Variants in PDGFA observed in about 807,000 individuals in gnomAD.
PDGFA encodes the protein platelet-derived growth factor subunit A.
In PDGFA, 9 loss-of-function variants were observed where a neutral mutation model predicts 25.6. That is an observed-to-expected ratio of 0.35 (90% CI 0.21 to 0.61). PDGFA has a LOEUF of 0.61. Among genes scored for constraint, PDGFA ranks in the 20% least tolerant of loss-of-function variants. The pLI is 0.75. For missense variants in PDGFA, 242 were observed against 272.8 expected (o/e 0.89, Z 0.79); for synonymous variants, 133 against 111.8 (o/e 1.19, Z -1.20).
intron 1 of PDGFA, among the ~76,000 whole-genome samples, chr7:518,188 G>C (rs2128408271): frequency 6.6e-6 from 1 of 152,290 alleles, no homozygotes; most frequent in Middle Eastern, 3.4e-3. Context: ...CGTGCCCTGC[G>C]GAGACCACCC....
At chr7:501,264 G>C in intron 4 of PDGFA, 22 bp from the exon 5 acceptor site, 1 of 1,613,458 alleles carries the variant, frequency 6.2e-7, no homozygotes, top group Non-Finnish European at 8.5e-7. Flanking sequence ...AACAGAGCCC[G>C]GCCATGAATG....
chr7:510,850 C>T (rs750296780), exon 4 of PDGFA: 1 of 1,609,536 alleles, frequency 6.2e-7, no homozygotes, highest in South Asian at 1.1e-5. Flanking sequence ...TGGCACTTGA[C>T]ACTGCTCGTG....
intron 4 of PDGFA, 148 bp from the exon 5 acceptor site, chr7:501,390 T>C: frequency 1.0e-6 from 1 of 981,028 alleles, no homozygotes. Flanking sequence ...TGGTGGGGAG[T>C]GTAGCAGTAC....
intron 4 of PDGFA, among the ~76,000 whole-genome samples, chr7:510,490 T>G (rs970013051): frequency 1.8e-3 from 91 of 50,464 alleles, no homozygotes; most frequent in African/African-American, 2.0e-3. Flanking sequence ...CGGGCTCGGG[T>G]GGGGAGGGGA....
At chr7:518,030 C>G (rs1269485008) in intron 1 of PDGFA, among the ~76,000 whole-genome samples, 1 of 152,098 alleles carries the variant, frequency 6.6e-6, no homozygotes, top group Non-Finnish European at 1.5e-5. Context: ...CACACGCGCA[C>G]ACACATCTCA....
intron 2 of PDGFA, among the ~76,000 whole-genome samples, chr7:513,796 A>G (rs562798626): frequency 6.6e-6 from 1 of 152,348 alleles, no homozygotes; most frequent in Admixed American, 6.5e-5. Context: ...CGGATTTAAA[A>G]TGAAGCCCGC....
intron 4 of PDGFA, among the ~76,000 whole-genome samples, chr7:509,742 A>G (rs1397304191): frequency 1.3e-5 from 2 of 152,190 alleles, no homozygotes; most frequent in Non-Finnish European, 2.9e-5. Context: ...GCGGAGACAC[A>G]GTCTGCCGGC....
rs1782899168 is a variant in PDGFA at position 512,434 on chromosome 7, G to A, written c.182C>T (p.Thr61Ile). The A allele has an allele frequency of 6.2e-7, 1 of 1,613,628 alleles. No homozygotes were observed. Among genetic ancestry groups the A allele is most frequent in the Admixed American group, 1.7e-5 (1 of 60,004 alleles). ...ATGGACCCCGTGAGCTCTCAGGCTG[G>A]TGTCCAAAGAATCCTCACTCCCTGC... The change falls in exon 3 of 6, where the codon ACC becomes ATC. Residue 61 changes from threonine (T) to isoleucine (I), a missense_variant. Thr to Ile is a moderately conservative substitution (Grantham distance 89). Transcript: ENST00000402802.
At chr7:503,480 G>A (rs1782439447) in intron 4 of PDGFA, among the ~76,000 whole-genome samples, 1 of 152,182 alleles carries the variant, frequency 6.6e-6, no homozygotes, top group Non-Finnish European at 1.5e-5. Flanking sequence ...AAGGCCAGAT[G>A]CCCCCAGCCC....
intron 1 of PDGFA, 132 bp downstream of exon 1, chr7:518,807 T>G: frequency 1.8e-6 from 1 of 543,360 alleles, no homozygotes; most frequent in Non-Finnish European, 3.2e-6. Flanking sequence ...TAGAACCCAG[T>G]TGGGAAAATC....
chr7:510,462 G>T (rs1267915877), intron 4 of PDGFA, among the ~76,000 whole-genome samples: 1 of 150,406 alleles, frequency 6.6e-6, no homozygotes, highest in Non-Finnish European at 1.5e-5. Context: ...GACCCTGGCT[G>T]CTTGGTAGGG....
Position 517,458 on chromosome 7 carries a change from C to T in PDGFA, c.96G>A (p.Arg32=), listed in dbSNP as rs1783162368. Residue 32 remains arginine, a synonymous_variant, in exon 2 of 6, where the codon AGG becomes AGA. Transcript: ENST00000402802. This position sits in a 1 kb window ranked among gnomAD's most constrained non-coding sequence, Gnocchi z 7.4. ...TGCTGTGGATCTGACTGCGGGCCAG[C>T]CTCTCGATCACCTCGCGGGGGATCT... 1.5e-6 allele frequency: 2 copies of T among 1,379,246 alleles called. No homozygotes were observed. The highest frequency in any genetic ancestry group is 2.7e-5 in the Admixed American group (1 of 37,598). 85.4% of individuals were successfully genotyped at this position (1,379,246 alleles called of 1,614,324 possible). A position where few individuals can be genotyped will look rare whatever the true frequency, so the allele number is the denominator to read the frequency against.
At chr7:510,866 G>A in exon 4 of PDGFA, 1 of 1,611,154 alleles carries the variant, frequency 6.2e-7, no homozygotes, top group Non-Finnish European at 8.5e-7. Flanking sequence ...TCGTGTTGCA[G>A]CAGCCGGTGC....
chr7:512,894 G>T, intron 2 of PDGFA: 1 of 268,124 alleles, frequency 3.7e-6, no homozygotes, highest in East Asian at 8.5e-5. Context: ...CTGTCTGGGG[G>T]CTGGAGCGAG....
At position 519,194 on chromosome 7, in the gene PDGFA, G is replaced by C. The variant is rs1783250708; in HGVS notation, c.-193C>G. ...GAGTGCGGAGAGGCAGGCAGCGCCA[G>C]CCAGGAGGAGGAGAAACAGGGAGTG... On this transcript the variant is annotated 5_prime_UTR_variant, in exon 1 of 6. Coordinates refer to ENST00000402802, the Ensembl canonical transcript of PDGFA. The C allele has an allele frequency of 8.9e-6, 3 of 338,660 alleles. No homozygotes were observed. In the South Asian group the frequency reaches 1.4e-4, roughly 15 times the overall value. 21.0% of individuals were successfully genotyped at this position (338,660 alleles called of 1,614,324 possible).
At chr7:511,082 G>T (rs901168511) in intron 3 of PDGFA, 86 bp from the exon 4 acceptor site, 16 of 1,080,352 alleles carry the variant, frequency 1.5e-5, no homozygotes, top group Middle Eastern at 4.3e-4. Flanking sequence ...AGCTGGGCCT[G>T]GGGGGCAACC....
chr7:501,120 G>A (rs1000841950), exon 5 of PDGFA: 22 of 1,614,054 alleles, frequency 1.4e-5, no homozygotes, highest in Non-Finnish European at 1.8e-5. Flanking sequence ...ACTCACCCGT[G>A]TCCTCTTCCC....
chr7:502,993 G>A (rs546240656), intron 4 of PDGFA, among the ~76,000 whole-genome samples: 119 of 152,168 alleles, frequency 7.8e-4, no homozygotes, highest in Admixed American at 3.8e-3. Context: ...GCACGCACAC[G>A]CCTGGCATCA....
rs34159199 is a variant in PDGFA, at chr7:506,175, C to CAAAAAAAAAA, written c.453+4624_453+4633dup. Among the ~76,000 whole-genome samples the CAAAAAAAAAA allele has an allele frequency of 2.8e-3, 305 of 107,220 alleles. 7 individuals carry two copies. Among genetic ancestry groups the CAAAAAAAAAA allele is most frequent in the African/African-American group, 6.4e-3 (177 of 27,596 alleles). The allele number at this position is 107,220 out of a possible 152,430, so 70.3% of individuals were successfully genotyped here. A position where few individuals can be genotyped will look rare whatever the true frequency, so the allele number is the denominator to read the frequency against. On this transcript the variant is annotated intron_variant, in intron 4 of 5. Transcript: ENST00000402802. ...TGGGCAACAGAGTGAGACTCTGTCT[C>CAAAAAAAAAA]AAAAAAAAAAAAAAAATCCCTCAAG...
Sources: allele counts gnomAD v4.1 joint callset (sites outside exome capture counted in the v4.1 genomes callset), GRCh38; gene constraint gnomAD v4.1.1; non-coding constraint Gnocchi (gnomAD v3.1); transcripts MANE v1.5; gene names NCBI Gene and HGNC (gene_info 2026-07-23, HGNC 2026-07-21).